The following ASIC2 variants were observed in gnomAD, a reference collection of about 807,000 sequenced individuals.
The protein encoded by ASIC2 is acid-sensing ion channel 2.
In ASIC2, 25 loss-of-function variants were observed where a neutral mutation model predicts 57.3. The ratio of observed to expected loss-of-function variants is 0.44; its 90% CI spans 0.32 to 0.61. The LOEUF (loss-of-function observed/expected upper bound fraction) is 0.61, where lower values mean the gene tolerates loss of function less well. ASIC2 is among the 20% of genes least tolerant of loss of function. The pLI is 0.06. For missense variants in ASIC2, 641 were observed against 738.1 expected (o/e 0.87, Z 1.52); for synonymous variants, 319 against 307.5 (o/e 1.04, Z -0.39).
At chr17:33,696,122 A>C (rs571333481) in intron 1 of ASIC2, among the ~76,000 whole-genome samples, 11 of 152,234 alleles carry the variant, frequency 7.2e-5, no homozygotes, top group Non-Finnish European at 1.6e-4. Context: ...AACACATACA[A>C]GAATGTCTTC....
chr17:33,512,713 C>A (rs1914463548), intron 1 of ASIC2, among the ~76,000 whole-genome samples: 1 of 152,212 alleles, frequency 6.6e-6, no homozygotes, highest in African/African-American at 2.4e-5. Context: ...ATCCTTCTAA[C>A]TTGGCACTGC....
At chr17:33,551,182 T>C (rs1418035749) in intron 1 of ASIC2, among the ~76,000 whole-genome samples, 1 of 152,214 alleles carries the variant, frequency 6.6e-6, no homozygotes, top group African/African-American at 2.4e-5. Flanking sequence ...GTCTTTTCGG[T>C]GCTTTTTCGA....
At chr17:33,893,735 T>C (rs571484595) in intron 1 of ASIC2, among the ~76,000 whole-genome samples, 2 of 152,320 alleles carry the variant, frequency 1.3e-5, no homozygotes, top group South Asian at 2.1e-4. Context: ...CCATAATCCT[T>C]ATTTATAAAA....
intron 1 of ASIC2, among the ~76,000 whole-genome samples, chr17:33,346,652 C>G (rs953139565): frequency 6.6e-6 from 1 of 152,086 alleles, no homozygotes; most frequent in Non-Finnish European, 1.5e-5. Context: ...AAGCAGGCCA[C>G]TGGATATTTG....
At chr17:33,735,106 G>C (rs1396085605) in intron 1 of ASIC2, among the ~76,000 whole-genome samples, 4 of 152,112 alleles carry the variant, frequency 2.6e-5, no homozygotes, top group Non-Finnish European at 5.9e-5. Flanking sequence ...AGCAGTTTCT[G>C]TGACTGTCAT....
Position 33,683,837 on chromosome 17 carries a change from A to G in ASIC2, c.555+472141T>C, listed in dbSNP as rs1045137618. Among the ~76,000 whole-genome samples the G allele has an allele frequency of 4.0e-4, 61 of 152,314 alleles. 1 individual carries two copies. The highest frequency in any genetic ancestry group is 3.4e-3 in the Middle Eastern group (1 of 294). ...CCGTCTCCCCTTTTTAGAAGGACAC[A>G]GTTACATCGGATTAGGAGCCCACCC... On this transcript the variant is annotated intron_variant, in intron 1 of 9. Transcript: ENST00000359872.
chr17:33,115,384 G>A (rs184617412), intron 1 of ASIC2, among the ~76,000 whole-genome samples: 1 of 152,232 alleles, frequency 6.6e-6, no homozygotes, highest in Admixed American at 6.5e-5. Context: ...AAATCCTTGT[G>A]TGACTTCCTG....
chr17:33,957,148 C>G (rs1904761788), intron 1 of ASIC2, among the ~76,000 whole-genome samples: 1 of 152,204 alleles, frequency 6.6e-6, no homozygotes, highest in South Asian at 2.1e-4. Context: ...ACCATGCCCC[C>G]ACTCATACAC....
chr17:33,659,663 G>A (rs1597824648), intron 1 of ASIC2, among the ~76,000 whole-genome samples: 1 of 152,116 alleles, frequency 6.6e-6, no homozygotes, highest in African/African-American at 2.4e-5. Context: ...TAGGTCAAGA[G>A]ATGGAGACCA....
At chr17:33,907,786 C>T (rs184626995) in intron 1 of ASIC2, among the ~76,000 whole-genome samples, 1 of 152,278 alleles carries the variant, frequency 6.6e-6, no homozygotes, top group East Asian at 1.9e-4. Flanking sequence ...ACAATATGCT[C>T]TAAAATTGAG....
chr17:33,402,137 G>T (rs1048985307), intron 1 of ASIC2, among the ~76,000 whole-genome samples: 1 of 152,166 alleles, frequency 6.6e-6, no homozygotes, highest in Non-Finnish European at 1.5e-5. Flanking sequence ...GAAAGCTGCT[G>T]GTAGGCTGGA....
At chr17:33,740,991 T>C (rs1159508239) in intron 1 of ASIC2, among the ~76,000 whole-genome samples, 2 of 152,212 alleles carry the variant, frequency 1.3e-5, no homozygotes, top group Non-Finnish European at 2.9e-5. Flanking sequence ...CTCTCTCGGC[T>C]ATTACCTCCT....
intron 1 of ASIC2, among the ~76,000 whole-genome samples, chr17:33,739,576 G>A (rs1389334553): frequency 6.6e-6 from 1 of 152,244 alleles, no homozygotes; most frequent in African/African-American, 2.4e-5. Context: ...CTTCTAAGCT[G>A]TGCTCTAAGC....
At chr17:33,521,927 G>A (rs1444640686) in intron 1 of ASIC2, among the ~76,000 whole-genome samples, 2 of 152,194 alleles carry the variant, frequency 1.3e-5, no homozygotes, top group Admixed American at 6.5e-5. Context: ...GCACCTAGGC[G>A]GGCAGGGAGG....
At chr17:33,194,563 C>A (rs1281781043) in intron 1 of ASIC2, among the ~76,000 whole-genome samples, 7 of 152,192 alleles carry the variant, frequency 4.6e-5, no homozygotes, top group Non-Finnish European at 8.8e-5. Context: ...AAGATCTATA[C>A]ATGAAATCTT....
chr17:33,628,159 C>T (rs954174113), intron 1 of ASIC2, among the ~76,000 whole-genome samples: 1 of 152,132 alleles, frequency 6.6e-6, no homozygotes, highest in African/African-American at 2.4e-5. Context: ...CAGGGTGGTC[C>T]CGATGCCTGG....
intron 1 of ASIC2, among the ~76,000 whole-genome samples, chr17:33,874,715 C>T (rs1384164076): frequency 1.3e-5 from 2 of 152,240 alleles, no homozygotes; most frequent in African/African-American, 4.8e-5. Context: ...CCTTTGCTGG[C>T]CTCATGCCAA....
chr17:33,033,591 T>TCCCA (rs1192712774), intron 3 of ASIC2, among the ~76,000 whole-genome samples: 1 of 152,180 alleles, frequency 6.6e-6, no homozygotes, highest in Non-Finnish European at 1.5e-5. Context: ...GGGTGACTCC[T>TCCCA]CCCACTGCCT....
intron 1 of ASIC2, among the ~76,000 whole-genome samples, chr17:33,302,442 C>A (rs1487010027): frequency 3.9e-5 from 6 of 152,170 alleles, no homozygotes. Context: ...CTGGCTCTCA[C>A]CTCTGCTTCA....
Sources: gnomAD v4.1 joint callset for allele counts (sites outside exome capture counted in the v4.1 genomes callset) on GRCh38, gnomAD v4.1.1 for gene constraint, MANE v1.5 for transcripts, NCBI Gene and HGNC (gene_info 2026-07-23, HGNC 2026-07-21) for gene names.